The following SLIT2 variants were observed in gnomAD, a reference collection of about 807,000 sequenced individuals.
The protein encoded by SLIT2 is slit homolog 2 protein.
In SLIT2, 41 loss-of-function variants were observed where a neutral mutation model predicts 185.7. The ratio of observed to expected loss-of-function variants is 0.22; its 90% CI spans 0.17 to 0.29. The LOEUF (loss-of-function observed/expected upper bound fraction) is 0.29, where lower values mean the gene tolerates loss of function less well. Ranked by LOEUF, SLIT2 falls within the 10% of genes least tolerant of loss-of-function variation. The pLI, the probability that SLIT2 is intolerant of heterozygous loss-of-function variation, is 1.00. For synonymous variants in SLIT2, 693 were observed against 680.2 expected (o/e 1.02, Z -0.29); for missense variants, 1,571 against 1,909.0 (o/e 0.82, Z 3.30).
chr4:20,279,882 T>C (rs1381570214), intron 4 of SLIT2, among the ~76,000 whole-genome samples: 1 of 152,332 alleles, frequency 6.6e-6, no homozygotes, highest in East Asian at 1.9e-4. Context: ...CTTATATTTG[T>C]CCTTGTTTCA....
At position 20,262,349 on chromosome 4, in the gene SLIT2, T is replaced by G. The variant is rs906551348; in HGVS notation, c.323+4410T>G. Among the ~76,000 whole-genome samples the G allele has an allele frequency of 3.3e-5, 5 of 151,866 alleles. No homozygotes were observed. The South Asian group carries it at 1.0e-3, about 32-fold the overall frequency. On this transcript the variant is annotated intron_variant, in intron 3 of 36. Coordinates refer to ENST00000504154, the MANE Select transcript of SLIT2 (RefSeq NM_004787.4). ...GGTTTTTGTTGTAGGTCTTTACACA[T>G]GAGTTCAAGTAGAGAATATGTTGTG... is the stretch of plus-strand genomic sequence containing the variant.
At chr4:20,359,313 C>G (rs1388923991) in intron 4 of SLIT2, among the ~76,000 whole-genome samples, 1 of 151,952 alleles carries the variant, frequency 6.6e-6, no homozygotes, top group Non-Finnish European at 1.5e-5. Flanking sequence ...CTCCACATGG[C>G]CAAAGAATGG....
At chr4:20,489,895 T>G (rs997902471) in intron 8 of SLIT2, 4 of 152,124 alleles carry the variant, frequency 2.6e-5, no homozygotes, top group African/African-American at 9.7e-5. Flanking sequence ...GAGACCATCC[T>G]GGGTAACATG....
At chr4:20,443,582 TAAAAAAAAAAAAAAAA>T (rs71653885) in intron 4 of SLIT2, among the ~76,000 whole-genome samples, 1 of 63,060 alleles carries the variant, frequency 1.6e-5, no homozygotes, top group Non-Finnish European at 2.8e-5. Flanking sequence ...GGAGAAAATC[TAAAAAAAAAAAAAAAA>T]AAAAAAAAAA....
At chr4:20,555,503 A>G (rs1724169873) in intron 26 of SLIT2, among the ~76,000 whole-genome samples, 1 of 152,124 alleles carries the variant, frequency 6.6e-6, no homozygotes, top group Non-Finnish European at 1.5e-5. Context: ...ATTAGATAAT[A>G]TAGATAAAAG....
chr4:20,564,651 T>A (rs1724945637), intron 26 of SLIT2, among the ~76,000 whole-genome samples: 1 of 151,980 alleles, frequency 6.6e-6, no homozygotes, highest in South Asian at 2.1e-4. Flanking sequence ...TTGGTAGTCA[T>A]GAGCTTTACC....
intron 5 of SLIT2, among the ~76,000 whole-genome samples, chr4:20,476,137 TC>T (rs1716080972): frequency 6.6e-6 from 1 of 152,140 alleles, no homozygotes; most frequent in Non-Finnish European, 1.5e-5. Flanking sequence ...CAATTTTTAT[TC>T]TTATACTCTA....
At chr4:20,400,855 ACATGTGGATTGC>A (rs1347914227) in intron 4 of SLIT2, among the ~76,000 whole-genome samples, 1 of 151,840 alleles carries the variant, frequency 6.6e-6, no homozygotes, top group Non-Finnish European at 1.5e-5. Flanking sequence ...TTTCAGATAA[ACATGTGGATTGC>A]CATGTGTTAG....
intron 4 of SLIT2, among the ~76,000 whole-genome samples, chr4:20,463,258 A>G (rs993849791): frequency 6.6e-6 from 1 of 151,740 alleles, no homozygotes; most frequent in South Asian, 2.1e-4. Flanking sequence ...CCAGCGTTGA[A>G]GGCTGAAAAT....
At chr4:20,501,355 G>A (rs548591839) in intron 9 of SLIT2, among the ~76,000 whole-genome samples, 16 of 152,038 alleles carry the variant, frequency 1.1e-4, no homozygotes, top group African/African-American at 3.4e-4. Context: ...GCGTGATCTC[G>A]GCTCACTGCA....
intron 3 of SLIT2, among the ~76,000 whole-genome samples, chr4:20,266,395 A>C (rs1713041005): frequency 6.6e-6 from 1 of 151,962 alleles, no homozygotes; most frequent in African/African-American, 2.4e-5. Context: ...GAAAGGAGGA[A>C]ACTATTGTCT....
chr4:20,498,357 T>G (rs1350769961), intron 9 of SLIT2, among the ~76,000 whole-genome samples: 1 of 152,214 alleles, frequency 6.6e-6, no homozygotes, highest in African/African-American at 2.4e-5. Context: ...GTTGAAAACC[T>G]TATTCTTCAA....
At chr4:20,322,643 A>T (rs1719199212) in intron 4 of SLIT2, among the ~76,000 whole-genome samples, 1 of 152,170 alleles carries the variant, frequency 6.6e-6, no homozygotes, top group Non-Finnish European at 1.5e-5. Context: ...GTATTTATAC[A>T]ATAGCAATAC....
chr4:20,455,678 GC>G (rs1292965088), intron 4 of SLIT2, among the ~76,000 whole-genome samples: 2 of 151,992 alleles, frequency 1.3e-5, no homozygotes, highest in Admixed American at 6.6e-5. Context: ...TGAGTACACA[GC>G]TTTTTTGGGG....
intron 33 of SLIT2, among the ~76,000 whole-genome samples, chr4:20,609,593 G>T (rs577697672): frequency 6.6e-6 from 1 of 152,296 alleles, no homozygotes; most frequent in South Asian, 2.1e-4. Flanking sequence ...GTTGCCTAAG[G>T]TCGATGTGTT....
At chr4:20,594,463 G>A (rs1280581879) in intron 30 of SLIT2, among the ~76,000 whole-genome samples, 4 of 151,890 alleles carry the variant, frequency 2.6e-5, no homozygotes, top group African/African-American at 9.7e-5. Flanking sequence ...ACTCTTGGAA[G>A]CCAATGTGTA....
intron 15 of SLIT2, among the ~76,000 whole-genome samples, chr4:20,525,757 C>A (rs1358912252): frequency 6.6e-6 from 1 of 152,098 alleles, no homozygotes; most frequent in Non-Finnish European, 1.5e-5. Context: ...ACTTTACATT[C>A]TTCTATATCC....
In SLIT2 at chr4:20,539,447, G is replaced by C. The variant is rs1408247444; in HGVS notation, c.1839G>C (p.Leu613Phe). ...KGLESLKTLM[L>F]RSNRITCVGN... ...GTCCTTTTTTTCCCCTCAGGATGTT[G>C]AGAAGCAATCGAATAACCTGTGTGG... Residue 613 changes from leucine (L) to phenylalanine (F), a missense_variant, in exon 19 of 37, where the codon TTG becomes TTC. This residue lies in a region of SLIT2 where 1,202 missense variants were observed against 1,416.4 expected (regional missense o/e 0.85). Transcript: ENST00000504154. The C allele has an allele frequency of 7.4e-6, 12 of 1,611,258 alleles. No individual in the cohort carries two copies. The highest frequency in any genetic ancestry group is 9.3e-6 in the Non-Finnish European group (11 of 1,178,994).
intron 20 of SLIT2, among the ~76,000 whole-genome samples, chr4:20,541,944 G>T (rs1184899834): frequency 6.6e-6 from 1 of 152,080 alleles, no homozygotes; most frequent in Non-Finnish European, 1.5e-5. Flanking sequence ...AAGGAGAAAA[G>T]AAATTAACTT....
Sources: allele counts gnomAD v4.1 joint callset (sites outside exome capture counted in the v4.1 genomes callset), GRCh38; gene constraint gnomAD v4.1.1; regional missense constraint gnomAD v4.1.1; transcripts MANE v1.5; gene names NCBI Gene and HGNC (gene_info 2026-07-23, HGNC 2026-07-21).